DOCK1: variants seen among roughly 807,000 people sequenced by gnomAD.
The protein encoded by DOCK1 is dedicator of cytokinesis 1.
In DOCK1, 138 loss-of-function variants were observed where a neutral mutation model predicts 262.7. The observed-to-expected ratio is 0.53, with a 90% CI of 0.46 to 0.61. The LOEUF is 0.61. DOCK1 is among the 20% of genes least tolerant of loss of function. DOCK1 has a pLI of 0.00. For missense variants in DOCK1, 1,908 were observed against 2,370.7 expected, an observed-to-expected ratio of 0.80 and a Z score of 4.05; for synonymous variants, 866 against 867.4, an observed-to-expected ratio of 1.00 and a Z score of 0.03.
chr10:127,209,551 G>A (rs2057878681), intron 27 of DOCK1, among the ~76,000 whole-genome samples: 1 of 152,180 alleles, frequency 6.6e-6, no homozygotes, highest in East Asian at 1.9e-4. Flanking sequence ...TACAGCCCTG[G>A]GGTGTATTTC....
At chr10:127,085,884 C>T (rs2047167625) in intron 23 of DOCK1, among the ~76,000 whole-genome samples, 1 of 152,192 alleles carries the variant, frequency 6.6e-6, no homozygotes, top group South Asian at 2.1e-4. Flanking sequence ...TATTGTATCA[C>T]AGTCCAGTTG....
intron 27 of DOCK1, among the ~76,000 whole-genome samples, chr10:127,183,295 G>C (rs887981246): frequency 6.6e-6 from 1 of 152,120 alleles, no homozygotes; most frequent in African/African-American, 2.4e-5. Context: ...AAGTCATTTA[G>C]AGTTGAAGAT....
At chr10:127,267,685 G>C (rs2060412888) in intron 29 of DOCK1, among the ~76,000 whole-genome samples, 1 of 152,224 alleles carries the variant, frequency 6.6e-6, no homozygotes, top group African/African-American at 2.4e-5. Flanking sequence ...TAATGCCGGA[G>C]GAGGCACTTC....
intron 29 of DOCK1, among the ~76,000 whole-genome samples, chr10:127,291,956 C>T (rs1451675016): frequency 6.6e-6 from 1 of 152,194 alleles, no homozygotes; most frequent in Non-Finnish European, 1.5e-5. Context: ...GGTCGCAAGC[C>T]AGGTTCTGTG....
intron 1 of DOCK1, among the ~76,000 whole-genome samples, chr10:126,949,216 C>G (rs902680792): frequency 1.3e-5 from 2 of 152,062 alleles, no homozygotes; most frequent in Non-Finnish European, 2.9e-5. Context: ...GGTTGGGGGA[C>G]ATGGGGTTAA....
intron 21 of DOCK1, among the ~76,000 whole-genome samples, chr10:127,049,971 T>A (rs1454448538): frequency 1.4e-5 from 2 of 141,098 alleles, no homozygotes; most frequent in Non-Finnish European, 3.1e-5. Flanking sequence ...CTGGCCTCTT[T>A]TTTTTTTTTT....
chr10:127,330,711 G>T (rs2062939971), intron 29 of DOCK1, among the ~76,000 whole-genome samples: 2 of 152,216 alleles, frequency 1.3e-5, no homozygotes, highest in African/African-American at 4.8e-5. Context: ...TCTGCCAAGA[G>T]CAAGCACTTC....
At chr10:127,197,002 T>C (rs2380254) in intron 27 of DOCK1, among the ~76,000 whole-genome samples, 151,955 of 152,188 alleles carry the variant, frequency 1, 75,861 homozygotes, top group Middle Eastern at 1. Flanking sequence ...AAGCCAGGCT[T>C]GAAGGGTGCG....
intron 40 of DOCK1, among the ~76,000 whole-genome samples, chr10:127,408,089 C>T (rs1399795561): frequency 6.6e-6 from 1 of 152,118 alleles, no homozygotes; most frequent in Non-Finnish European, 1.5e-5. Context: ...GCAAGGAAAA[C>T]GTTCCTTACA....
intron 47 of DOCK1, among the ~76,000 whole-genome samples, chr10:127,431,040 T>A (rs2069248993): frequency 6.6e-6 from 1 of 152,114 alleles, no homozygotes; most frequent in Admixed American, 6.5e-5. Flanking sequence ...ATGCTGGCCC[T>A]CTGGGCAGGG....
intron 27 of DOCK1, among the ~76,000 whole-genome samples, chr10:127,141,572 G>A (rs1246479115): frequency 6.6e-6 from 1 of 152,066 alleles, no homozygotes; most frequent in African/African-American, 2.4e-5. Flanking sequence ...GTGTGATGGT[G>A]CATGTCTGTA....
At chr10:126,999,309 T>C in intron 8 of DOCK1, 45 bp from the exon 9 acceptor site, 13 of 1,499,934 alleles carry the variant, frequency 8.7e-6, no homozygotes, top group Non-Finnish European at 1.2e-5. Flanking sequence ...TTTGGTACCC[T>C]GTTATTTGGA....
intron 22 of DOCK1, among the ~76,000 whole-genome samples, chr10:127,058,285 GATA>G (rs2045300659): frequency 6.6e-6 from 1 of 152,010 alleles, no homozygotes; most frequent in Non-Finnish European, 1.5e-5. Flanking sequence ...TTATAATCAT[GATA>G]TCTTTCCTGT....
intron 10 of DOCK1, among the ~76,000 whole-genome samples, chr10:127,002,365 C>T (rs547873183): frequency 2.6e-5 from 4 of 152,284 alleles, no homozygotes; most frequent in South Asian, 2.1e-4. Context: ...AAATGTAGAC[C>T]ACAGGCTGAC....
At chr10:127,108,580 T>C (rs2048679142) in intron 24 of DOCK1, among the ~76,000 whole-genome samples, 2 of 152,126 alleles carry the variant, frequency 1.3e-5, no homozygotes, top group South Asian at 2.1e-4. Flanking sequence ...GGCAAGACTC[T>C]GTCTCAAAAA....
intron 27 of DOCK1, among the ~76,000 whole-genome samples, chr10:127,215,994 A>C (rs2058192208): frequency 1.3e-5 from 2 of 152,270 alleles, no homozygotes; most frequent in Non-Finnish European, 2.9e-5. Context: ...GGATTATCTA[A>C]CTGCTGCTTT....
intron 23 of DOCK1, among the ~76,000 whole-genome samples, chr10:127,091,540 C>G (rs1403809218): frequency 6.6e-6 from 1 of 152,158 alleles, no homozygotes; most frequent in Non-Finnish European, 1.5e-5. Context: ...CACTGGGGAT[C>G]AAGGTCCAAG....
At chr10:127,445,869 C>T (rs533990281) in intron 50 of DOCK1, among the ~76,000 whole-genome samples, 3 of 152,336 alleles carry the variant, frequency 2.0e-5, no homozygotes, top group South Asian at 2.1e-4. Flanking sequence ...ACAGCACGGA[C>T]GAACCTCAGA....
At chr10:127,069,935 A>T (rs1016486361) in intron 23 of DOCK1, among the ~76,000 whole-genome samples, 2 of 152,150 alleles carry the variant, frequency 1.3e-5, no homozygotes, top group African/African-American at 4.8e-5. Flanking sequence ...GGAGATTAGA[A>T]ACTTGAAATC....
Sources: allele counts gnomAD v4.1 joint callset (sites outside exome capture counted in the v4.1 genomes callset), GRCh38; gene constraint gnomAD v4.1.1; transcripts MANE v1.5; gene names NCBI Gene and HGNC (gene_info 2026-07-23, HGNC 2026-07-21).